Variants in MEI1 observed in about 807,000 individuals in gnomAD.
MEI1 encodes the protein meiotic double-stranded break formation protein 1, also known as meiosis inhibitor protein 1.
MEI1 carries 103 observed loss-of-function variants against 146.2 expected under a neutral mutation model. That is an observed-to-expected ratio of 0.70 (90% CI 0.60 to 0.83). MEI1 has a LOEUF of 0.83. Ranked by LOEUF, MEI1 falls within the 40% of genes least tolerant of loss-of-function variation. The probability of loss-of-function intolerance (pLI) is 0.00; values close to 1 mark genes in which losing one functional copy is unlikely to be tolerated. For missense variants in MEI1, 1,529 were observed against 1,533.0 expected (o/e 1.00, Z 0.04); for synonymous variants, 652 against 628.2 (o/e 1.04, Z -0.57).
intron 11 of MEI1, among the ~76,000 whole-genome samples, chr22:41,736,477 T>C (rs5758440): frequency 0.64 from 96,998 of 151,852 alleles, 34,123 homozygotes; most frequent in East Asian, 0.92. Flanking sequence ...ATGGTCTCGA[T>C]CTCCTGACCT....
At chr22:41,734,984 T>G (rs1192563354) in intron 11 of MEI1, among the ~76,000 whole-genome samples, 1 of 151,582 alleles carries the variant, frequency 6.6e-6, no homozygotes, top group Admixed American at 6.6e-5. Flanking sequence ...TTTTTTGAGA[T>G]GGAGTCTCCC....
At position 41,752,609 on chromosome 22, in the gene MEI1, G is replaced by A. The variant is rs759849031; in HGVS notation, c.1811G>A (p.Arg604Gln). The A allele has an allele frequency of 5.6e-6, 9 of 1,599,330 alleles. No homozygotes were observed. Among genetic ancestry groups the A allele is most frequent in the Admixed American group, 3.5e-5 (2 of 57,894 alleles). Reference sequence around the variant, plus strand: ...TCTGAAGCTTCCTCATCCTTCATACGACTGACCCTGGAGCTGAAGGCCAGG... The same window carrying A: ...TCTGAAGCTTCCTCATCCTTCATACAACTGACCCTGGAGCTGAAGGCCAGG... ...SKKLASSSFI[R>Q]LTLELKARFC... Residue 604 changes from arginine to glutamine, a missense_variant, in exon 16 of 31, where the codon CGA becomes CAA. Arg to Gln is a conservative substitution (Grantham distance 43). Transcript: ENST00000401548.
intron 18 of MEI1, among the ~76,000 whole-genome samples, chr22:41,760,927 C>T (rs1348311060): frequency 1.3e-5 from 2 of 151,688 alleles, no homozygotes; most frequent in Non-Finnish European, 2.9e-5. Flanking sequence ...TTGGGCCTGG[C>T]GCCGGGCTGC....
rs367753040 is a variant in MEI1 at position 41,757,387 on chromosome 22, C to T, written c.1952-978C>T. Among the ~76,000 whole-genome samples the T allele has an allele frequency of 1.6e-4, 24 of 152,072 alleles. 1 individual carries two copies. Among genetic ancestry groups the T allele is most frequent in the Non-Finnish European group, 2.1e-4 (14 of 67,984 alleles). Reference sequence around the variant, plus strand: ...CTTTCTTTTTTCTGAGATGGAGTTTCGCGCTTGTCATTCAGGCTGGAGTGC... The same window carrying T: ...CTTTCTTTTTTCTGAGATGGAGTTTTGCGCTTGTCATTCAGGCTGGAGTGC... On this transcript the variant is annotated intron_variant, in intron 17 of 30. Transcript: ENST00000401548.
chr22:41,703,559 T>A (rs1213937818), intron 2 of MEI1, 105 bp downstream of exon 2: 1 of 1,027,372 alleles, frequency 9.7e-7, no homozygotes, highest in African/African-American at 1.7e-5. Flanking sequence ...GTTTTTTGTA[T>A]TGTAATACTT....
chr22:41,761,036 G>A (rs9611659), intron 18 of MEI1, among the ~76,000 whole-genome samples: 1 of 151,958 alleles, frequency 6.6e-6, no homozygotes. Context: ...TCCCTCACGG[G>A]TGCGGTGGCT....
chr22:41,745,040 T>C lies in MEI1; in HGVS notation c.1514T>C (p.Leu505Pro). The change falls in exon 13 of 31, where the codon CTG becomes CCG. Residue 505 changes from leucine to proline, a missense_variant. By Grantham distance (98) the Leu-to-Pro change is moderately conservative. Transcript: ENST00000401548. ...AGGGGAAAGTTCCTCCTCAGCACTCTGGAGGGATTTAGAAGTGCCTGCAGG... is the reference window on the plus strand; with the variant it reads ...AGGGGAAAGTTCCTCCTCAGCACTCCGGAGGGATTTAGAAGTGCCTGCAGG... ...LQRGKFLLST[L>P]EGFRSACRLA... 1 of 1,561,080 alleles carries C rather than the reference T, an allele frequency of 6.4e-7. No individual in the cohort carries two copies. Among genetic ancestry groups the C allele is most frequent in the Non-Finnish European group, 8.7e-7 (1 of 1,151,906 alleles).
In MEI1 at chr22:41,699,527, G is replaced by A. The variant is rs1017250437; in HGVS notation, c.-12G>A. On this transcript the variant is annotated 5_prime_UTR_variant, in exon 1 of 31. Transcript: ENST00000401548. ...GGAAAGAGTGCCGCCTCAGCTGAGG[G>A]CAAGCGAGGAGATGGCTGTGAGGCA... is the stretch of plus-strand genomic sequence containing the variant. 2.5e-6 allele frequency: 4 copies of A among 1,604,584 alleles called. No homozygotes were observed. The South Asian group carries it at 3.3e-5, about 13-fold the overall frequency.
At chr22:41,709,088 T>C in intron 3 of MEI1, 1 of 565,854 alleles carries the variant, frequency 1.8e-6, no homozygotes, top group Non-Finnish European at 3.2e-6. Context: ...CCCCAAAATA[T>C]AACAGTGAAG....
intron 7 of MEI1, among the ~76,000 whole-genome samples, chr22:41,727,704 G>A (rs1252604822): frequency 6.6e-6 from 1 of 152,156 alleles, no homozygotes; most frequent in Non-Finnish European, 1.5e-5. Context: ...GCAGTGTAAG[G>A]AAAGCAGTAT....
At chr22:41,732,118 T>G (rs2071917491) in intron 9 of MEI1, 127 bp from the exon 10 acceptor site, 1 of 678,126 alleles carries the variant, frequency 1.5e-6, no homozygotes, top group African/African-American at 1.8e-5. Flanking sequence ...CTCAATCTTG[T>G]CAGGGTCCCT....
intron 26 of MEI1, among the ~76,000 whole-genome samples, chr22:41,787,494 T>G (rs1015471433): frequency 1.8e-4 from 27 of 152,314 alleles, no homozygotes; most frequent in African/African-American, 6.0e-4. Context: ...TTATGGACAC[T>G]TAGCCAGCTG....
At chr22:41,785,125 C>G (rs548949272) in intron 26 of MEI1, among the ~76,000 whole-genome samples, 22 of 149,810 alleles carry the variant, frequency 1.5e-4, no homozygotes, top group African/African-American at 5.4e-4. Flanking sequence ...TTAGTAGAGA[C>G]GGGGTTTCAC....
chr22:41,793,973 C>T, intron 27 of MEI1, 63 bp downstream of exon 27: 1 of 1,413,016 alleles, frequency 7.1e-7, no homozygotes, highest in Non-Finnish European at 9.8e-7. Context: ...AACACCCTTC[C>T]ACCCTCCTGC....
chr22:41,727,905 T>C (rs1312426927), intron 7 of MEI1, among the ~76,000 whole-genome samples: 1 of 152,088 alleles, frequency 6.6e-6, no homozygotes, highest in African/African-American at 2.4e-5. Context: ...GGACTGGCCG[T>C]TCACGTAGGT....
intron 22 of MEI1, among the ~76,000 whole-genome samples, chr22:41,780,876 C>T (rs934149583): frequency 6.6e-6 from 1 of 152,142 alleles, no homozygotes; most frequent in South Asian, 2.1e-4. Flanking sequence ...TAAGCCACTG[C>T]GGAGGCCTGA....
rs751169808 is a variant in MEI1 at position 41,784,718 on chromosome 22, C to G, written c.3280C>G (p.Leu1094Val). Residue 1094 changes from leucine to valine, a missense_variant, in exon 26 of 31, where the codon CTA becomes GTA. Physicochemically the swap from Leu to Val is conservative, Grantham distance 32. This residue lies in a region of MEI1 where 313 missense variants were observed against 337.3 expected (regional missense o/e 0.93). Coordinates refer to ENST00000401548, the MANE Select transcript of MEI1 (RefSeq NM_152513.4). Reference sequence around the variant, plus strand: ...ACTGCCAGCCACCAAGGACACTGTCCTAGCTCCACTGCGAATGTCGCAAGT... The same window carrying G: ...ACTGCCAGCCACCAAGGACACTGTCGTAGCTCCACTGCGAATGTCGCAAGT... ...QPLPATKDTV[L>V]APLRMSQVRS... 1 of 1,613,484 alleles carries G rather than the reference C, an allele frequency of 6.2e-7. No individual in the cohort carries two copies. Among genetic ancestry groups the G allele is most frequent in the Non-Finnish European group, 8.5e-7 (1 of 1,179,740 alleles).
chr22:41,794,879 C>T lies in MEI1; in HGVS notation c.3534+402C>T, dbSNP rs563217085. On this transcript the variant is annotated intron_variant, in intron 28 of 30. Coordinates refer to ENST00000401548, the MANE Select transcript of MEI1 (RefSeq NM_152513.4). ...GAGGAGATGCTAACTGTGGGGCACA[C>T]AGTAAGTGCCCCTTGAATAAATAAC... Among the ~76,000 whole-genome samples the T allele has an allele frequency of 4.0e-4, 61 of 152,290 alleles. 4 individuals carry two copies. The South Asian group carries it at 0.011, about 28-fold the overall frequency.
At chr22:41,717,312 G>A (rs2070299265) in intron 5 of MEI1, among the ~76,000 whole-genome samples, 1 of 152,052 alleles carries the variant, frequency 6.6e-6, no homozygotes, top group Non-Finnish European at 1.5e-5. Flanking sequence ...ATAGGCGTCC[G>A]CCACAACACC....
Sources: allele counts gnomAD v4.1 joint callset (sites outside exome capture counted in the v4.1 genomes callset), GRCh38; gene constraint gnomAD v4.1.1; regional missense constraint gnomAD v4.1.1; transcripts MANE v1.5; gene names NCBI Gene and HGNC (gene_info 2026-07-23, HGNC 2026-07-21).